Variants in PPP2R5A observed in about 807,000 individuals in gnomAD.
PPP2R5A encodes protein phosphatase 2 regulatory subunit B'alpha.
PPP2R5A carries 25 observed loss-of-function variants against 64.2 expected under a neutral mutation model. The observed-to-expected ratio is 0.39, with a 90% CI of 0.28 to 0.54. The LOEUF is 0.54. Ranked by LOEUF, PPP2R5A falls within the 20% of genes least tolerant of loss-of-function variation. PPP2R5A has a pLI of 0.67. For missense variants in PPP2R5A, 425 were observed against 576.3 expected, an observed-to-expected ratio of 0.74 and a Z score of 2.69; for synonymous variants, 198 against 201.2, an observed-to-expected ratio of 0.98 and a Z score of 0.13.
intron 1 of PPP2R5A, among the ~76,000 whole-genome samples, chr1:212,291,591 G>T (rs781600090): frequency 3.3e-5 from 5 of 152,138 alleles, no homozygotes; most frequent in Admixed American, 2.6e-4. Context: ...TTGAGACTTC[G>T]TCCTTTTCTC....
chr1:212,321,321 G>A (rs1272479724), intron 1 of PPP2R5A, among the ~76,000 whole-genome samples: 5 of 140,896 alleles, frequency 3.5e-5, no homozygotes, highest in African/African-American at 8.0e-5. Flanking sequence ...GCGAGGGGCT[G>A]ACCCCCCCAC....
At chr1:212,287,383 C>G (rs1262426644) in intron 1 of PPP2R5A, among the ~76,000 whole-genome samples, 2 of 152,188 alleles carry the variant, frequency 1.3e-5, no homozygotes, top group Non-Finnish European at 2.9e-5. Context: ...GCAGCATCCC[C>G]TTCAAGGCCA....
chr1:212,323,450 A>G (rs1440159867), intron 1 of PPP2R5A, among the ~76,000 whole-genome samples: 2 of 152,254 alleles, frequency 1.3e-5, no homozygotes, highest in Non-Finnish European at 2.9e-5. Flanking sequence ...CTTAATGGGT[A>G]GGGTTTATTA....
chr1:212,358,703 T>C lies in PPP2R5A; in HGVS notation c.1244T>C (p.Val415Ala). ...EHWNPTIVAL[V>A]YNVLKTLMEM... ...CATTTCAGGACCATTGTAGCACTGG[T>C]ATACAATGTGCTGAAAACCCTAATG... The change falls in exon 12 of 13, where the codon GTA becomes GCA. Residue 415 changes from valine (V) to alanine (A), a missense_variant. Physicochemically the swap from Val to Ala is moderately conservative, Grantham distance 64. Coordinates refer to ENST00000261461, the MANE Select transcript of PPP2R5A (RefSeq NM_006243.4). 6.2e-7 allele frequency: 1 copy of C among 1,612,624 alleles called. No individual in the cohort carries two copies. The highest frequency in any genetic ancestry group is 8.5e-7 in the Non-Finnish European group (1 of 1,178,858).
At chr1:212,320,761 G>A (rs1212999258) in intron 1 of PPP2R5A, among the ~76,000 whole-genome samples, 17 of 127,112 alleles carry the variant, frequency 1.3e-4, no homozygotes, top group East Asian at 5.0e-4. Flanking sequence ...AGGGGCGGCC[G>A]GGCAGAGGCG....
chr1:212,326,981 C>T (rs940326076), intron 1 of PPP2R5A, among the ~76,000 whole-genome samples: 1 of 152,104 alleles, frequency 6.6e-6, no homozygotes, highest in African/African-American at 2.4e-5. Context: ...GCTTAGAATA[C>T]CTGACCTACT....
intron 1 of PPP2R5A, among the ~76,000 whole-genome samples, chr1:212,328,159 T>C (rs1659439560): frequency 6.6e-6 from 1 of 152,198 alleles, no homozygotes; most frequent in Non-Finnish European, 1.5e-5. Flanking sequence ...ATGTAAAATA[T>C]AATTGCTGTA....
intron 12 of PPP2R5A, among the ~76,000 whole-genome samples, chr1:212,359,615 A>G (rs1044882031): frequency 6.6e-6 from 1 of 152,256 alleles, no homozygotes; most frequent in African/African-American, 2.4e-5. Flanking sequence ...TGAGGATAAC[A>G]GTTACCATTT....
At chr1:212,326,366 G>A (rs1409615948) in intron 1 of PPP2R5A, among the ~76,000 whole-genome samples, 1 of 152,042 alleles carries the variant, frequency 6.6e-6, no homozygotes, top group East Asian at 1.9e-4. Context: ...GGCCGAGGCA[G>A]GCGGATCATT....
In PPP2R5A at chr1:212,356,616, T is replaced by TG; in HGVS notation, c.928-10_928-9insG. The TG allele has an allele frequency of 6.2e-7, 1 of 1,607,488 alleles. No individual in the cohort carries two copies. Among genetic ancestry groups the TG allele is most frequent in the Non-Finnish European group, 8.5e-7 (1 of 1,177,816 alleles). ...TATTAAATTCATGCTAAACTTTTTC[T>TG]TTTTCGCAGGTGATCAGAGGACTGC... On this transcript the variant is annotated splice_polypyrimidine_tract_variant and intron_variant, in intron 8 of 12. Transcript: ENST00000261461.
chr1:212,321,202 C>A (rs1270145122), intron 1 of PPP2R5A, among the ~76,000 whole-genome samples: 1 of 147,242 alleles, frequency 6.8e-6, no homozygotes, highest in Non-Finnish European at 1.5e-5. Flanking sequence ...CTGACCCCCC[C>A]ACATCCTTCC....
chr1:212,301,147 A>T (rs150549500), intron 1 of PPP2R5A, among the ~76,000 whole-genome samples: 1 of 152,262 alleles, frequency 6.6e-6, no homozygotes, highest in African/African-American at 2.4e-5. Context: ...AGTAGCTGGG[A>T]TTACAGGTAC....
At chr1:212,346,277 A>G (rs1020624205) in intron 5 of PPP2R5A, among the ~76,000 whole-genome samples, 1 of 151,978 alleles carries the variant, frequency 6.6e-6, no homozygotes, top group Non-Finnish European at 1.5e-5. Context: ...TATGTAACGT[A>G]GTATATATGT....
intron 1 of PPP2R5A, among the ~76,000 whole-genome samples, chr1:212,314,574 T>G (rs2102422100): frequency 6.7e-6 from 1 of 150,368 alleles, no homozygotes; most frequent in Admixed American, 6.6e-5. Context: ...TTTTTTTTTT[T>G]GAGATGGTGT....
intron 3 of PPP2R5A, among the ~76,000 whole-genome samples, chr1:212,339,803 T>C (rs1365098073): frequency 6.6e-6 from 1 of 152,026 alleles, no homozygotes; most frequent in Non-Finnish European, 1.5e-5. Context: ...TTAAACCCTA[T>C]ATTTCTGATG....
chr1:212,327,082 G>T (rs1302057413), intron 1 of PPP2R5A, among the ~76,000 whole-genome samples: 1 of 152,118 alleles, frequency 6.6e-6, no homozygotes, highest in Non-Finnish European at 1.5e-5. Context: ...TCCTGCCCTG[G>T]AGTAATTACG....
intron 1 of PPP2R5A, among the ~76,000 whole-genome samples, chr1:212,317,959 TAAAA>T (rs899312269): frequency 6.8e-6 from 1 of 147,756 alleles, no homozygotes; most frequent in African/African-American, 2.5e-5. Context: ...AAAAAAAAAT[TAAAA>T]AAAAAAGTGT....
At chr1:212,301,918 A>G (rs1439587314) in intron 1 of PPP2R5A, 10 of 1,322,970 alleles carry the variant, frequency 7.6e-6, no homozygotes, top group Non-Finnish European at 9.8e-6. Flanking sequence ...AAGGAAAATT[A>G]TAGTTATAAA....
At chr1:212,291,578 T>C (rs1658602646) in intron 1 of PPP2R5A, among the ~76,000 whole-genome samples, 1 of 152,210 alleles carries the variant, frequency 6.6e-6, no homozygotes, top group East Asian at 1.9e-4. Context: ...TTTAATTCAT[T>C]AATTGAGACT....
Sources: allele counts gnomAD v4.1 joint callset (sites outside exome capture counted in the v4.1 genomes callset), GRCh38; gene constraint gnomAD v4.1.1; transcripts MANE v1.5; gene names NCBI Gene and HGNC (gene_info 2026-07-23, HGNC 2026-07-21).